AKAP13: variants seen among roughly 807,000 people sequenced by gnomAD.
The protein encoded by AKAP13 is A-kinase anchor protein 13.
In AKAP13, 80 loss-of-function variants were observed where a neutral mutation model predicts 264.5. The ratio of observed to expected loss-of-function variants is 0.30; its 90% confidence interval spans 0.25 to 0.36. The LOEUF is 0.36. AKAP13 is among the 10% of genes least tolerant of loss of function. The pLI is 1.00. For synonymous variants in AKAP13, 1,380 were observed against 1,250.2 expected (o/e 1.10, Z -2.19); for missense variants, 3,712 against 3,435.2 (o/e 1.08, Z -2.01).
At chr15:85,691,256 C>G (rs890874584) in intron 16 of AKAP13, among the ~76,000 whole-genome samples, 4 of 152,070 alleles carry the variant, frequency 2.6e-5, no homozygotes, top group African/African-American at 9.7e-5. Flanking sequence ...TCTTTGTAGT[C>G]CAGTTGGTTT....
intron 8 of AKAP13, among the ~76,000 whole-genome samples, chr15:85,601,605 T>TC (rs1475915908): frequency 4.2e-5 from 6 of 142,982 alleles, no homozygotes; most frequent in South Asian, 2.2e-4. Flanking sequence ...TCACCTGAAT[T>TC]CTTTGTGTGT....
chr15:85,404,402 C>G (rs1268659685), intron 1 of AKAP13, among the ~76,000 whole-genome samples: 1 of 152,250 alleles, frequency 6.6e-6, no homozygotes, highest in African/African-American at 2.4e-5. Context: ...AAACTGTTCT[C>G]TCACTGTGGT....
intron 15 of AKAP13, chr15:85,684,479 G>T: frequency 3.6e-6 from 1 of 281,598 alleles, no homozygotes; most frequent in Non-Finnish European, 6.6e-6. Context: ...CAGGAAGATT[G>T]CGTGAGCTCA....
chr15:85,440,519 T>C (rs904837288), intron 1 of AKAP13, among the ~76,000 whole-genome samples: 8 of 152,180 alleles, frequency 5.3e-5, no homozygotes, highest in Non-Finnish European at 8.8e-5. Flanking sequence ...GCTTGTCAAA[T>C]AGATAAAGGA....
intron 23 of AKAP13, among the ~76,000 whole-genome samples, chr15:85,721,245 C>G (rs2087262182): frequency 6.6e-6 from 1 of 152,162 alleles, no homozygotes; most frequent in South Asian, 2.1e-4. Flanking sequence ...GGGGCATTTG[C>G]TTTGTCATAT....
intron 14 of AKAP13, among the ~76,000 whole-genome samples, chr15:85,675,982 G>T (rs1194882150): frequency 1.3e-5 from 2 of 152,056 alleles, no homozygotes; most frequent in African/African-American, 4.8e-5. Context: ...CGCTATCTCG[G>T]CTCACTGCAA....
chr15:85,740,975 G>A, intron 34 of AKAP13, 71 bp from the exon 35 acceptor site: 3 of 1,539,660 alleles, frequency 1.9e-6, no homozygotes, highest in East Asian at 2.3e-5. Flanking sequence ...CTGCTGTGGG[G>A]TCGGGAGGGA....
At chr15:85,646,638 T>C (rs1371606444) in intron 10 of AKAP13, among the ~76,000 whole-genome samples, 1 of 152,166 alleles carries the variant, frequency 6.6e-6, no homozygotes, top group African/African-American at 2.4e-5. Flanking sequence ...ATAAACCAGC[T>C]GTAGAGTCAT....
chr15:85,404,537 T>C (rs889150998), intron 1 of AKAP13, among the ~76,000 whole-genome samples: 1 of 152,236 alleles, frequency 6.6e-6, no homozygotes, highest in African/African-American at 2.4e-5. Context: ...TTCCCATCTG[T>C]TCATGTCCAA....
At chr15:85,740,540 ACTTCACTTTAGAAAG>A in intron 34 of AKAP13, 1 of 465,792 alleles carries the variant, frequency 2.1e-6, no homozygotes, top group Non-Finnish European at 3.8e-6. Flanking sequence ...CTGGGAGATT[ACTTCACTTTAGAAAG>A]CCTTAAGTAT....
chr15:85,423,584 C>T (rs1206158321), intron 1 of AKAP13, among the ~76,000 whole-genome samples: 1 of 152,232 alleles, frequency 6.6e-6, no homozygotes, highest in East Asian at 1.9e-4. Flanking sequence ...TGACTTCTCC[C>T]ATTGAAGTCT....
chr15:85,655,385 C>G (rs935719115), intron 10 of AKAP13, 32 bp from the exon 11 acceptor site: 3 of 1,594,712 alleles, frequency 1.9e-6, no homozygotes, highest in African/African-American at 2.7e-5. Flanking sequence ...GCCCTGCTGG[C>G]TTCAACCATA....
intron 4 of AKAP13, among the ~76,000 whole-genome samples, chr15:85,542,519 A>AC (rs1656767603): frequency 2.0e-5 from 3 of 152,236 alleles, no homozygotes; most frequent in Admixed American, 2.0e-4. Context: ...GGAGAAAACC[A>AC]CTGGGGTCCA....
chr15:85,552,617 G>A (rs1277126224), intron 5 of AKAP13, among the ~76,000 whole-genome samples: 3 of 134,366 alleles, frequency 2.2e-5, no homozygotes, highest in South Asian at 2.3e-4. Flanking sequence ...ATTTATCATC[G>A]TTTTTTTGGC....
At chr15:85,691,113 A>G (rs750349412) in intron 16 of AKAP13, among the ~76,000 whole-genome samples, 5 of 152,200 alleles carry the variant, frequency 3.3e-5, no homozygotes, top group African/African-American at 4.8e-5. Flanking sequence ...TGTAGAAGAC[A>G]TTGATTCAAA....
At chr15:85,595,175 C>T (rs2151342569) in intron 8 of AKAP13, among the ~76,000 whole-genome samples, 1 of 152,236 alleles carries the variant, frequency 6.6e-6, no homozygotes, top group East Asian at 1.9e-4. Context: ...TCATAGCTCA[C>T]TGCAGCCTCA....
In AKAP13 at chr15:85,718,289, T is replaced by G. The variant is rs2087073270; in HGVS notation, c.6001+130T>G. On this transcript the variant is annotated intron_variant, in intron 22 of 36. Transcript: ENST00000394518. The surrounding 1 kb of genome is among the most constrained non-coding windows in gnomAD (Gnocchi z 4.9). The stretch of plus-strand genomic sequence containing the variant: ...TCTTGAAAAGATTTCCTTTAAAAAC[T>G]TTAAGGTACAGAGACGTGGTCCTGT... The G allele has an allele frequency of 1.7e-6, 2 of 1,143,514 alleles. No individual in the cohort carries two copies. The highest frequency in any genetic ancestry group is 2.5e-6 in the Non-Finnish European group (2 of 814,196). 70.8% of individuals were successfully genotyped at this position (1,143,514 alleles called of 1,614,324 possible).
At chr15:85,710,669 A>C in intron 19 of AKAP13, 24 bp downstream of exon 19, 1 of 1,610,292 alleles carries the variant, frequency 6.2e-7, no homozygotes. Flanking sequence ...CCCACCTCTC[A>C]ATTCCCTTTC....
intron 17 of AKAP13, among the ~76,000 whole-genome samples, chr15:85,700,699 A>G (rs1477699827): frequency 6.6e-6 from 1 of 152,232 alleles, no homozygotes; most frequent in African/African-American, 2.4e-5. Flanking sequence ...TCTTAAAGGT[A>G]TAATTCCCAA....
Sources: allele counts gnomAD v4.1 joint callset (sites outside exome capture counted in the v4.1 genomes callset), GRCh38; gene constraint gnomAD v4.1.1; non-coding constraint Gnocchi (gnomAD v3.1); transcripts MANE v1.5; gene names NCBI Gene and HGNC (gene_info 2026-07-23, HGNC 2026-07-21).